Variants in STXBP4 observed in about 807,000 individuals in gnomAD.
STXBP4 encodes the protein syntaxin-binding protein 4.
In STXBP4, 55 loss-of-function variants were observed where a neutral mutation model predicts 76.1. The observed-to-expected ratio is 0.72, with a 90% confidence interval of 0.58 to 0.91. The LOEUF (loss-of-function observed/expected upper bound fraction) is 0.91, where lower values mean the gene tolerates loss of function less well. STXBP4 is among the 40% of genes least tolerant of loss of function. STXBP4 has a pLI of 0.00. For synonymous variants in STXBP4, 201 were observed against 220.2 expected, an observed-to-expected ratio of 0.91 and a Z score of 0.77; for missense variants, 618 against 636.9, an observed-to-expected ratio of 0.97 and a Z score of 0.32.
intron 8 of STXBP4, among the ~76,000 whole-genome samples, chr17:55,011,503 T>TTTTGC (rs2078108771): frequency 2.7e-5 from 3 of 110,956 alleles, no homozygotes; most frequent in Non-Finnish European, 5.4e-5. Flanking sequence ...GTTTATTTTC[T>TTTTGC]TTTTCTTTTT....
At chr17:55,140,440 G>T (rs1429963774) in intron 16 of STXBP4, among the ~76,000 whole-genome samples, 1 of 152,084 alleles carries the variant, frequency 6.6e-6, no homozygotes, top group Non-Finnish European at 1.5e-5. Flanking sequence ...TACCTGAGTC[G>T]TGATAAGCCA....
chr17:55,078,613 A>G (rs1223197851), intron 14 of STXBP4, 73 bp from the exon 15 acceptor site: 4 of 954,154 alleles, frequency 4.2e-6, no homozygotes, highest in Non-Finnish European at 6.6e-6. Flanking sequence ...GGTTATAAAT[A>G]TTAATGAAGA....
At position 55,027,670 on chromosome 17, in the gene STXBP4, T is replaced by C. The variant is rs577824280; in HGVS notation, c.667-3498T>C. On this transcript the variant is annotated intron_variant, in intron 8 of 17. Coordinates refer to ENST00000376352, the MANE Select transcript of STXBP4 (RefSeq NM_178509.6). The stretch of plus-strand genomic sequence containing the variant: ...GTTTTAGAAAACTATCTGTAGCATT[T>C]TTATGAAGCTAAAAAACCAGTAAAA... Among the ~76,000 whole-genome samples, 116 of 152,306 alleles carry C rather than the reference T, an allele frequency of 7.6e-4. 3 individuals are homozygous for C. The South Asian group carries it at 0.023, about 30-fold the overall frequency.
intron 12 of STXBP4, among the ~76,000 whole-genome samples, chr17:55,050,306 A>G (rs1406380555): frequency 6.6e-6 from 1 of 152,106 alleles, no homozygotes; most frequent in Non-Finnish European, 1.5e-5. Flanking sequence ...AAAATAGGCA[A>G]AAGACCTGAA....
rs1346840326 is a variant in STXBP4, at chr17:55,168,335, G to C, written c.*8424G>C. On this transcript the variant is annotated 3_prime_UTR_variant, in exon 18 of 18. Transcript: ENST00000376352. ...TCAAAAATATGACCAAATACTGGTG[G>C]TTCCTCATTTACCAGTAGAACTCTC... 6.6e-6 allele frequency: 1 copy of C among 151,926 alleles called. No homozygotes were observed. The highest frequency in any genetic ancestry group is 2.4e-5 in the African/African-American group (1 of 41,350). The allele number at this position is 151,926 out of a possible 1,614,324, so 9.4% of individuals were successfully genotyped here.
intron 10 of STXBP4, among the ~76,000 whole-genome samples, chr17:55,036,695 C>T (rs959019853): frequency 4.0e-5 from 6 of 151,704 alleles, no homozygotes; most frequent in Non-Finnish European, 7.4e-5. Flanking sequence ...TTGAATGCTG[C>T]TAGAAACCCT....
intron 1 of STXBP4, among the ~76,000 whole-genome samples, chr17:54,984,802 A>G (rs2077603511): frequency 6.6e-6 from 1 of 152,148 alleles, no homozygotes; most frequent in Non-Finnish European, 1.5e-5. Context: ...AAATATTACC[A>G]TTATGTGTGT....
intron 4 of STXBP4, among the ~76,000 whole-genome samples, chr17:54,993,239 C>T (rs954987072): frequency 9.9e-5 from 15 of 152,166 alleles, no homozygotes; most frequent in African/African-American, 3.6e-4. Context: ...CTCTACTTAG[C>T]ACTAGAGGGC....
At chr17:55,145,647 G>T (rs986673457) in intron 17 of STXBP4, among the ~76,000 whole-genome samples, 1 of 152,122 alleles carries the variant, frequency 6.6e-6, no homozygotes, top group Non-Finnish European at 1.5e-5. Flanking sequence ...ATTTTACCTA[G>T]GATGAACAAA....
chr17:55,044,614 C>T (rs2078759084), intron 11 of STXBP4: 1 of 151,910 alleles, frequency 6.6e-6, no homozygotes, highest in African/African-American at 2.4e-5. Context: ...GCCTGGGCAA[C>T]ATAGCAGGAC....
At chr17:55,036,850 GT>G (rs1244828600) in intron 10 of STXBP4, among the ~76,000 whole-genome samples, 2 of 152,166 alleles carry the variant, frequency 1.3e-5, no homozygotes, top group Non-Finnish European at 2.9e-5. Context: ...CTGACAGGAA[GT>G]TTGAATAGTG....
intron 16 of STXBP4, among the ~76,000 whole-genome samples, chr17:55,096,826 TA>T (rs2079492968): frequency 6.6e-6 from 1 of 152,148 alleles, no homozygotes; most frequent in Non-Finnish European, 1.5e-5. Context: ...AAAGTGAGCT[TA>T]AACCTCCAGA....
intron 4 of STXBP4, chr17:54,991,853 G>A (rs986229644): frequency 6.6e-5 from 10 of 151,344 alleles, no homozygotes; most frequent in Non-Finnish European, 1.5e-4. Flanking sequence ...TTAATATCAA[G>A]CTATATAGCA....
the STXBP4 span, among the ~76,000 whole-genome samples, chr17:55,209,066 A>G: frequency 5.0e-3 from 758 of 152,328 alleles, 7 homozygotes; most frequent in Middle Eastern, 0.024. Flanking sequence ...TGTGCAACAG[A>G]GCAAGACTCC....
At chr17:55,034,295 T>C in intron 10 of STXBP4, 36 bp downstream of exon 10, 1 of 1,468,242 alleles carries the variant, frequency 6.8e-7, no homozygotes, top group Non-Finnish European at 9.3e-7. Context: ...TTGACATGTA[T>C]AAGTCACAAG....
In STXBP4 at chr17:55,164,438, C is replaced by CTTTTTTTTTTTTTTTTTTT. The variant is rs11372599; in HGVS notation, c.*4532_*4550dup. 2 of 86,660 alleles carry CTTTTTTTTTTTTTTTTTTT rather than the reference C, an allele frequency of 2.3e-5. No individual in the cohort carries two copies. The highest frequency in any genetic ancestry group is 4.2e-5 in the Non-Finnish European group (2 of 47,430). 5.4% of individuals were successfully genotyped at this position (86,660 alleles called of 1,614,324 possible). A position where few individuals can be genotyped will look rare whatever the true frequency, so the allele number is the denominator to read the frequency against. ...CTATATCACTCTACCCTGTTTATTT[C>CTTTTTTTTTTTTTTTTTTT]TTTTTTTTTTTTTTTTTTTTTTTGA... On this transcript the variant is annotated 3_prime_UTR_variant, in exon 18 of 18. Transcript: ENST00000376352.
intron 16 of STXBP4, among the ~76,000 whole-genome samples, chr17:55,134,509 T>C (rs542732222): frequency 1.3e-5 from 2 of 152,298 alleles, no homozygotes; most frequent in African/African-American, 4.8e-5. Flanking sequence ...AAAACAATTA[T>C]ATATAACTTC....
At chr17:54,996,737 A>C (rs1453852612) in intron 4 of STXBP4, among the ~76,000 whole-genome samples, 1 of 152,200 alleles carries the variant, frequency 6.6e-6, no homozygotes, top group African/African-American at 2.4e-5. Context: ...TTGTAAAAGT[A>C]CAGGAAAGGA....
chr17:55,006,756 G>A (rs571572678), intron 7 of STXBP4, among the ~76,000 whole-genome samples: 2 of 152,268 alleles, frequency 1.3e-5, no homozygotes, highest in African/African-American at 4.8e-5. Flanking sequence ...TACAGAATCT[G>A]TATTATACTT....
Sources: gnomAD v4.1 joint callset for allele counts (sites outside exome capture counted in the v4.1 genomes callset) on GRCh38, gnomAD v4.1.1 for gene constraint, MANE v1.5 for transcripts, NCBI Gene and HGNC (gene_info 2026-07-23, HGNC 2026-07-21) for gene names.